The following SLC30A9 variants were observed in gnomAD, a reference collection of about 807,000 sequenced individuals.
SLC30A9 encodes proton-coupled zinc antiporter SLC30A9, mitochondrial.
SLC30A9 carries 58 observed loss-of-function variants against 87.5 expected under a neutral mutation model. That is an observed-to-expected ratio of 0.66 (90% CI 0.54 to 0.82). The LOEUF is 0.82. Ranked by LOEUF, SLC30A9 falls within the 40% of genes least tolerant of loss-of-function variation. The pLI is 0.00. For missense variants in SLC30A9, 557 were observed against 679.1 expected (o/e 0.82, Z 2.00); for synonymous variants, 234 against 233.0 (o/e 1.00, Z -0.04).
chr4:42,024,308 C>G lies in SLC30A9; in HGVS notation c.610+924C>G, dbSNP rs376756761. Among the ~76,000 whole-genome samples, 298 of 152,214 alleles carry G rather than the reference C, an allele frequency of 2.0e-3. 14 individuals are homozygous for G. In the South Asian group the frequency reaches 0.059, roughly 30 times the overall value. On this transcript the variant is annotated intron_variant, in intron 6 of 17. Transcript: ENST00000264451. The stretch of plus-strand genomic sequence containing the variant: ...ATCACTTGAGCCCAGGAGTTTGAGA[C>G]CACCCTGGGCAACATAGACATAAAT...
rs1180307618 is a variant in SLC30A9 at position 42,087,853 on chromosome 4, G to A, written c.*1727G>A. On this transcript the variant is annotated 3_prime_UTR_variant, in exon 18 of 18. Transcript: ENST00000264451. Reference sequence around the variant, plus strand: ...ATTACTTCATGTCATTGCCATATGAGAAAGTACCAAATTATATCCAGTTTC... The same window carrying A: ...ATTACTTCATGTCATTGCCATATGAAAAAGTACCAAATTATATCCAGTTTC... 2 of 151,340 alleles carry A rather than the reference G, an allele frequency of 1.3e-5. No homozygotes were observed. Among genetic ancestry groups the A allele is most frequent in the Admixed American group, 6.6e-5 (1 of 15,232 alleles). 9.4% of individuals were successfully genotyped at this position (151,340 alleles called of 1,614,324 possible).
At chr4:42,068,677 T>A (rs1271338129) in intron 14 of SLC30A9, among the ~76,000 whole-genome samples, 1 of 152,250 alleles carries the variant, frequency 6.6e-6, no homozygotes, top group Non-Finnish European at 1.5e-5. Context: ...ATTGTGGCTC[T>A]TGTTCATTTG....
At chr4:42,072,669 T>C (rs1357527568) in intron 15 of SLC30A9, among the ~76,000 whole-genome samples, 3 of 152,192 alleles carry the variant, frequency 2.0e-5, no homozygotes, top group African/African-American at 7.2e-5. Flanking sequence ...GCCTTACATA[T>C]AGTCTTGGAT....
chr4:42,062,890 G>T, intron 10 of SLC30A9, 96 bp from the exon 11 acceptor site: 1 of 981,254 alleles, frequency 1.0e-6, no homozygotes, highest in Non-Finnish European at 1.5e-6. Context: ...ATAACATCTT[G>T]ATATTGTTAG....
chr4:41,992,781 A>G (rs1461447809), intron 1 of SLC30A9, among the ~76,000 whole-genome samples: 6 of 152,244 alleles, frequency 3.9e-5, no homozygotes, highest in Non-Finnish European at 8.8e-5. Context: ...TAAAAGGGCA[A>G]CCATTATTAT....
At chr4:42,001,058 C>T (rs1714962872) in intron 1 of SLC30A9, among the ~76,000 whole-genome samples, 2 of 152,062 alleles carry the variant, frequency 1.3e-5, no homozygotes, top group South Asian at 4.1e-4. Flanking sequence ...GATGAAGCAG[C>T]TGAAGTGCTT....
intron 1 of SLC30A9, among the ~76,000 whole-genome samples, chr4:41,999,344 TGAA>T (rs1190667541): frequency 6.6e-6 from 1 of 152,144 alleles, no homozygotes; most frequent in Non-Finnish European, 1.5e-5. Flanking sequence ...GAGTAGTAAA[TGAA>T]GGAGTAATAA....
At chr4:42,062,919 T>TA in intron 10 of SLC30A9, 67 bp from the exon 11 acceptor site, 1 of 1,358,420 alleles carries the variant, frequency 7.4e-7, no homozygotes, top group Admixed American at 1.8e-5. Flanking sequence ...ATTGACCTAT[T>TA]AAGCACATAT....
chr4:42,011,148 A>T (rs1715425595), intron 2 of SLC30A9, among the ~76,000 whole-genome samples: 1 of 152,190 alleles, frequency 6.6e-6, no homozygotes, highest in Non-Finnish European at 1.5e-5. Flanking sequence ...AAAGAGGTTT[A>T]ATTGACTCAC....
intron 16 of SLC30A9, 82 bp downstream of exon 16, chr4:42,075,868 A>G: frequency 7.3e-7 from 1 of 1,363,942 alleles, no homozygotes; most frequent in Non-Finnish European, 1.0e-6. Context: ...TTTTTTTTAT[A>G]GATCTTAAAG....
intron 2 of SLC30A9, 110 bp from the exon 3 acceptor site, chr4:42,018,001 A>T: frequency 1.6e-6 from 1 of 626,588 alleles, no homozygotes. Context: ...ACATGGTCTG[A>T]TACATTGTCG....
intron 2 of SLC30A9, among the ~76,000 whole-genome samples, 195 bp downstream of exon 2, chr4:42,001,975 ACTAT>A (rs529434752): frequency 8.7e-4 from 132 of 152,116 alleles, no homozygotes; most frequent in South Asian, 2.1e-3. Flanking sequence ...TCTACGAAAA[ACTAT>A]CTACTTATCT....
intron 6 of SLC30A9, chr4:42,029,318 T>C: frequency 1.9e-6 from 1 of 517,662 alleles, no homozygotes; most frequent in Non-Finnish European, 3.8e-6. Flanking sequence ...AAGATCATTC[T>C]ATTCTACATA....
intron 15 of SLC30A9, 51 bp from the exon 16 acceptor site, chr4:42,075,606 A>G: frequency 6.7e-7 from 1 of 1,489,068 alleles, no homozygotes. Flanking sequence ...TAAAGTATAT[A>G]TATGTGTATG....
At chr4:42,054,820 T>G (rs1040093705) in intron 9 of SLC30A9, among the ~76,000 whole-genome samples, 2 of 152,038 alleles carry the variant, frequency 1.3e-5, no homozygotes, top group African/African-American at 4.8e-5. Flanking sequence ...TATCGATTTT[T>G]AAAAGTCTGA....
chr4:42,045,076 A>G (rs781761135), intron 8 of SLC30A9, among the ~76,000 whole-genome samples: 1 of 152,234 alleles, frequency 6.6e-6, no homozygotes. Context: ...TTAGAGGGAA[A>G]TTTATAGCAC....
At chr4:42,022,998 A>T in intron 5 of SLC30A9, 68 bp downstream of exon 5, 5 of 879,002 alleles carry the variant, frequency 5.7e-6, no homozygotes, top group Non-Finnish European at 8.8e-6. Context: ...TACATTTTAG[A>T]CAGAGTCAGA....
chr4:42,043,301 G>A (rs926961776), intron 8 of SLC30A9, among the ~76,000 whole-genome samples: 2 of 152,056 alleles, frequency 1.3e-5, no homozygotes. Flanking sequence ...CCAACCCAAC[G>A]CAAGAAAGCT....
intron 2 of SLC30A9, among the ~76,000 whole-genome samples, chr4:42,017,524 A>C (rs753839509): frequency 1.3e-5 from 2 of 152,090 alleles, no homozygotes; most frequent in African/African-American, 2.4e-5. Flanking sequence ...ACTATAAGGC[A>C]TGTAAATACC....
Sources: gnomAD v4.1 joint callset for allele counts (sites outside exome capture counted in the v4.1 genomes callset) on GRCh38, gnomAD v4.1.1 for gene constraint, MANE v1.5 for transcripts, NCBI Gene and HGNC (gene_info 2026-07-23, HGNC 2026-07-21) for gene names.